Variants in SYN3 observed in about 807,000 individuals in gnomAD.
The protein encoded by SYN3 is synapsin III.
In SYN3, 35 loss-of-function variants were observed where a neutral mutation model predicts 65.8. That is an observed-to-expected ratio of 0.53 (90% confidence interval 0.41 to 0.70). The LOEUF is 0.70. SYN3 is among the 30% of genes least tolerant of loss of function. The pLI, the probability that SYN3 is intolerant of heterozygous loss-of-function variation, is 0.00. For synonymous variants in SYN3, 270 were observed against 292.9 expected, an observed-to-expected ratio of 0.92 and a Z score of 0.80; for missense variants, 680 against 749.0, an observed-to-expected ratio of 0.91 and a Z score of 1.08.
At chr22:32,937,170 G>C (rs1341074434) in intron 3 of SYN3, among the ~76,000 whole-genome samples, 1 of 152,182 alleles carries the variant, frequency 6.6e-6, no homozygotes, top group Non-Finnish European at 1.5e-5. Context: ...GAAATGGAGA[G>C]ATGATGGGAA....
chr22:32,632,222 C>A (rs2059756959), intron 6 of SYN3, among the ~76,000 whole-genome samples: 1 of 152,206 alleles, frequency 6.6e-6, no homozygotes, highest in Non-Finnish European at 1.5e-5. Context: ...GTTGGTGAAT[C>A]TCCCAGGACA....
intron 6 of SYN3, among the ~76,000 whole-genome samples, chr22:32,765,120 G>A (rs1051650135): frequency 3.9e-5 from 6 of 152,036 alleles, no homozygotes; most frequent in Non-Finnish European, 5.9e-5. Flanking sequence ...GTTTGAGAGC[G>A]AGAGAGTGTG....
chr22:32,739,420 A>G (rs930129011), intron 6 of SYN3, among the ~76,000 whole-genome samples: 5 of 146,808 alleles, frequency 3.4e-5, no homozygotes, highest in African/African-American at 1.0e-4. Context: ...GTATGTCTTT[A>G]TCAGCAGTGT....
At chr22:32,777,632 G>A (rs1198466506) in intron 6 of SYN3, among the ~76,000 whole-genome samples, 2 of 152,084 alleles carry the variant, frequency 1.3e-5, no homozygotes, top group African/African-American at 2.4e-5. Context: ...GGGATATAAA[G>A]AATATCCCCA....
At chr22:32,771,190 A>G (rs2045760192) in intron 6 of SYN3, among the ~76,000 whole-genome samples, 1 of 152,144 alleles carries the variant, frequency 6.6e-6, no homozygotes. Flanking sequence ...TAGTTTGCTG[A>G]GAAGGATGGT....
chr22:32,815,393 T>G (rs1459719662), intron 6 of SYN3, among the ~76,000 whole-genome samples: 1 of 152,206 alleles, frequency 6.6e-6, no homozygotes, highest in Non-Finnish European at 1.5e-5. Context: ...GTTTAAGAGA[T>G]AGAGATGGAA....
chr22:32,530,805 C>G (rs1190827923), intron 10 of SYN3, among the ~76,000 whole-genome samples: 3 of 151,864 alleles, frequency 2.0e-5, no homozygotes, highest in Non-Finnish European at 2.9e-5. Flanking sequence ...GAGATTGAGA[C>G]CATCCTGGCC....
chr22:32,820,242 C>CTGTGTGTG (rs3054173), intron 6 of SYN3, among the ~76,000 whole-genome samples: 13 of 149,000 alleles, frequency 8.7e-5, no homozygotes, highest in Admixed American at 4.7e-4. Context: ...CCTTTCTCCC[C>CTGTGTGTG]TGTGTGTGTG....
intron 3 of SYN3, among the ~76,000 whole-genome samples, chr22:32,967,220 A>C (rs1048526524): frequency 1.3e-5 from 2 of 152,230 alleles, no homozygotes; most frequent in Non-Finnish European, 2.9e-5. Flanking sequence ...AGGCACCGCC[A>C]GTGGAAACTC....
At chr22:32,904,488 G>A (rs748988864) in intron 4 of SYN3, among the ~76,000 whole-genome samples, 10 of 152,054 alleles carry the variant, frequency 6.6e-5, no homozygotes, top group Non-Finnish European at 1.0e-4. Context: ...TTGATTGAGT[G>A]AGACCTAGGC....
chr22:33,000,521 C>A (rs1300217067), intron 2 of SYN3, among the ~76,000 whole-genome samples: 1 of 152,146 alleles, frequency 6.6e-6, no homozygotes, highest in Non-Finnish European at 1.5e-5. Context: ...TGGTATCCTG[C>A]AATTACCCCA....
intron 4 of SYN3, among the ~76,000 whole-genome samples, chr22:32,887,554 T>C (rs2049327910): frequency 3.3e-5 from 5 of 152,178 alleles, no homozygotes; most frequent in Admixed American, 3.3e-4. Context: ...GATGACAATC[T>C]TGATGTCAGT....
At chr22:32,873,186 G>A (rs550578856) in intron 4 of SYN3, among the ~76,000 whole-genome samples, 2 of 152,182 alleles carry the variant, frequency 1.3e-5, no homozygotes, top group South Asian at 4.1e-4. Context: ...CCTGACCTCA[G>A]GTGATCTGCC....
At chr22:32,836,895 T>C (rs570221297) in intron 6 of SYN3, among the ~76,000 whole-genome samples, 2 of 152,308 alleles carry the variant, frequency 1.3e-5, no homozygotes, top group South Asian at 2.1e-4. Flanking sequence ...AGAGCAGCCA[T>C]TGGCTCTTGT....
At chr22:32,792,949 T>C (rs996350101) in intron 6 of SYN3, among the ~76,000 whole-genome samples, 5 of 152,172 alleles carry the variant, frequency 3.3e-5, no homozygotes, top group East Asian at 1.9e-4. Flanking sequence ...GTGTAAGAAA[T>C]TGAACATGCA....
At chr22:33,053,886 C>T (rs781065094) in intron 1 of SYN3, among the ~76,000 whole-genome samples, 3 of 152,230 alleles carry the variant, frequency 2.0e-5, no homozygotes, top group East Asian at 3.9e-4. Flanking sequence ...GTGCCTGCCA[C>T]GTGTGAATAC....
intron 12 of SYN3, among the ~76,000 whole-genome samples, chr22:32,519,958 C>T (rs181872463): frequency 5.3e-5 from 8 of 152,286 alleles, no homozygotes; most frequent in African/African-American, 1.7e-4. Context: ...CTGGGCACAA[C>T]AGCTCTGTGG....
chr22:32,793,740 T>G (rs1239798867), intron 6 of SYN3, among the ~76,000 whole-genome samples: 3 of 152,262 alleles, frequency 2.0e-5, no homozygotes, highest in Non-Finnish European at 1.5e-5. Context: ...AGTGGAGAAT[T>G]CATGATTAAG....
chr22:32,692,884 C>T (rs913676910), intron 6 of SYN3, among the ~76,000 whole-genome samples: 4 of 152,124 alleles, frequency 2.6e-5, no homozygotes, highest in Admixed American at 6.6e-5. Context: ...AATCCCTCTC[C>T]TCCTCAAATC....
Sources: allele counts gnomAD v4.1 joint callset (sites outside exome capture counted in the v4.1 genomes callset), GRCh38; gene constraint gnomAD v4.1.1; transcripts MANE v1.5; gene names NCBI Gene and HGNC (gene_info 2026-07-23, HGNC 2026-07-21).